The following PEAK1 variants were observed in gnomAD, a reference collection of about 807,000 sequenced individuals.
PEAK1 encodes inactive tyrosine-protein kinase PEAK1.
PEAK1 carries 54 observed loss-of-function variants against 124.7 expected under a neutral mutation model. That is an observed-to-expected ratio of 0.43 (90% CI 0.35 to 0.54). PEAK1 has a LOEUF of 0.54. Ranked by LOEUF, PEAK1 falls within the 20% of genes least tolerant of loss-of-function variation. The probability of loss-of-function intolerance (pLI) is 0.01; values close to 1 mark genes in which losing one functional copy is unlikely to be tolerated. For synonymous variants in PEAK1, 719 were observed against 760.0 expected (o/e 0.95, Z 0.89); for missense variants, 2,046 against 2,134.5 (o/e 0.96, Z 0.82).
At chr15:77,329,524 G>C (rs943266259) in intron 2 of PEAK1, among the ~76,000 whole-genome samples, 1 of 152,134 alleles carries the variant, frequency 6.6e-6, no homozygotes, top group African/African-American at 2.4e-5. Flanking sequence ...ACCTAAGTTA[G>C]AGTAAGCAGG....
chr15:77,145,557 G>A (rs2054119484), intron 8 of PEAK1, among the ~76,000 whole-genome samples: 2 of 152,172 alleles, frequency 1.3e-5, no homozygotes, highest in Admixed American at 6.5e-5. Context: ...TAGGGTGCTA[G>A]GGATAAAGAA....
chr15:77,317,356 C>T (rs74620219), intron 2 of PEAK1, among the ~76,000 whole-genome samples: 3,440 of 151,992 alleles, frequency 0.023, 142 homozygotes, highest in African/African-American at 0.079. Flanking sequence ...CAATTCTTTT[C>T]AAAAAAACTA....
intron 5 of PEAK1, chr15:77,278,697 A>AC: frequency 1.9e-6 from 1 of 517,874 alleles, no homozygotes; most frequent in East Asian, 5.3e-5. Flanking sequence ...GCCAAAACAG[A>AC]CCAGACACAG....
chr15:77,194,800 C>G (rs1324825550), intron 6 of PEAK1, among the ~76,000 whole-genome samples: 4 of 152,156 alleles, frequency 2.6e-5, no homozygotes, highest in African/African-American at 9.7e-5. Flanking sequence ...AAGTGACTAC[C>G]TGACAGCAAA....
chr15:77,128,008 G>A (rs1261023824), intron 9 of PEAK1, among the ~76,000 whole-genome samples: 1 of 151,798 alleles, frequency 6.6e-6, no homozygotes, highest in African/African-American at 2.4e-5. Flanking sequence ...GAACCTGGAA[G>A]GTGGAGGCTG....
At chr15:77,330,760 CCCTTGGTGCA>C (rs2065845186) in intron 2 of PEAK1, among the ~76,000 whole-genome samples, 1 of 152,240 alleles carries the variant, frequency 6.6e-6, no homozygotes, top group Non-Finnish European at 1.5e-5. Context: ...CCCTTTCCCT[CCCTTGGTGCA>C]CCTTATCACC....
rs757001985 is a variant in PEAK1 at position 77,116,692 on chromosome 15, AAATC to A, written c.4078-1377_4078-1374del. 4.7e-3 allele frequency among the ~76,000 whole-genome samples: 681 copies of A among 143,846 alleles called. 7 individuals are homozygous for A. Among genetic ancestry groups the A allele is most frequent in the African/African-American group, 0.013 (492 of 38,812 alleles). The allele number at this position is 143,846 out of a possible 152,430, so 94.4% of individuals were successfully genotyped here. A position where few individuals can be genotyped will look rare whatever the true frequency, so the allele number is the denominator to read the frequency against. On this transcript the variant is annotated intron_variant, in intron 9 of 9. Transcript: ENST00000682557. The stretch of plus-strand genomic sequence containing the variant: ...CTGATATCAGTGATCAGTGCCATGG[AAATC>A]AATCAATCTATCTATCTATCTATCT...
intron 6 of PEAK1, among the ~76,000 whole-genome samples, chr15:77,220,559 T>A (rs2059343962): frequency 6.9e-6 from 1 of 145,290 alleles, no homozygotes; most frequent in African/African-American, 2.5e-5. Flanking sequence ...CAGTTAATCA[T>A]CTATCAAACT....
chr15:77,369,575 G>A (rs1864378279), intron 1 of PEAK1, among the ~76,000 whole-genome samples: 1 of 152,148 alleles, frequency 6.6e-6, no homozygotes, highest in Admixed American at 6.5e-5. Context: ...CGTATTTAAA[G>A]GGCCATAAAC....
chr15:77,381,464 T>C, intron 1 of PEAK1: 4 of 966,912 alleles, frequency 4.1e-6, no homozygotes, highest in Non-Finnish European at 4.9e-6. Flanking sequence ...AATAAGGCAA[T>C]GGCTCTAAGA....
chr15:77,133,590 A>G lies in PEAK1; in HGVS notation c.3492T>C (p.Asn1164=), dbSNP rs1331166280. ...GGAGGTCCTTGGAGATTGGCTCTGTATTGGCTCTTATGATCATCTTCTTTG... is the reference window on the plus strand; with the variant it reads ...GGAGGTCCTTGGAGATTGGCTCTGTGTTGGCTCTTATGATCATCTTCTTTG... The part of the protein sequence containing the change: ...PLPKKMIIRA[N]TEPISKDLQK... The change falls in exon 9 of 10, where the codon AAT becomes AAC. Residue 1164 remains asparagine, a synonymous_variant. Transcript: ENST00000682557. This position sits in a 1 kb window ranked among gnomAD's most constrained non-coding sequence, Gnocchi z 4.2. 6.2e-7 allele frequency: 1 copy of G among 1,614,082 alleles called. No homozygotes were observed. The highest frequency in any genetic ancestry group is 8.5e-7 in the Non-Finnish European group (1 of 1,180,012).
chr15:77,347,774 T>C, intron 2 of PEAK1: 1 of 983,326 alleles, frequency 1.0e-6, no homozygotes, highest in Non-Finnish European at 1.2e-6. Flanking sequence ...AGAAAAAAAA[T>C]TTAGTGAGTG....
chr15:77,129,983 T>C (rs553944352), intron 9 of PEAK1, among the ~76,000 whole-genome samples: 1 of 152,326 alleles, frequency 6.6e-6, no homozygotes, highest in Admixed American at 6.5e-5. Context: ...CCAGAGGGTC[T>C]TAAAAGAGAC....
chr15:77,156,486 C>G (rs945717567), intron 8 of PEAK1: 2 of 154,198 alleles, frequency 1.3e-5, no homozygotes, highest in African/African-American at 4.8e-5. Flanking sequence ...TCAGCTCGCG[C>G]ACGGTGTGCT....
chr15:77,316,714 A>G (rs2064899842), intron 2 of PEAK1, among the ~76,000 whole-genome samples: 5 of 152,230 alleles, frequency 3.3e-5, no homozygotes, highest in Admixed American at 3.3e-4. Context: ...ACATGTACAC[A>G]GTGAAGTAAC....
chr15:77,253,249 G>GGT lies in PEAK1; in HGVS notation c.-274-724_-274-723insAC, dbSNP rs1555457270. Among the ~76,000 whole-genome samples the GGT allele has an allele frequency of 4.7e-5, 7 of 148,450 alleles. No individual in the cohort carries two copies. The South Asian group carries it at 1.3e-3, about 27-fold the overall frequency. Reference sequence around the variant, plus strand: ...TCTGTGAATTTTGGTATGCGTTGGGGGGGGGGTGGTCCTGGAGCCAATCTC... The same window carrying GGT: ...TCTGTGAATTTTGGTATGCGTTGGGGGTGGGGGGTGGTCCTGGAGCCAATCTC... On this transcript the variant is annotated intron_variant, in intron 5 of 9. Transcript: ENST00000682557.
chr15:77,313,702 A>ATATATATATATATATATG (rs1213561861), intron 2 of PEAK1, among the ~76,000 whole-genome samples: 26 of 119,438 alleles, frequency 2.2e-4, no homozygotes, highest in African/African-American at 8.0e-4. Context: ...GTATATATAT[A>ATATATATATATATATATG]TATGTATGTG....
chr15:77,241,560 T>C (rs2152911958), intron 6 of PEAK1, among the ~76,000 whole-genome samples: 1 of 152,234 alleles, frequency 6.6e-6, no homozygotes, highest in African/African-American at 2.4e-5. Flanking sequence ...GACATGACTA[T>C]GTATGTGAAA....
At chr15:77,395,457 T>C (rs1044148422) in intron 1 of PEAK1, among the ~76,000 whole-genome samples, 2 of 152,120 alleles carry the variant, frequency 1.3e-5, no homozygotes, top group Non-Finnish European at 2.9e-5. Flanking sequence ...ACAAGAATGT[T>C]ATATAACACC....
Sources: gnomAD v4.1 joint callset for allele counts (sites outside exome capture counted in the v4.1 genomes callset) on GRCh38, gnomAD v4.1.1 for gene constraint, Gnocchi (gnomAD v3.1) non-coding constraint, MANE v1.5 for transcripts, NCBI Gene and HGNC (gene_info 2026-07-23, HGNC 2026-07-21) for gene names.